Variants in NRXN1 observed in about 807,000 individuals in gnomAD.
NRXN1 encodes the protein neurexin-1.
NRXN1 carries 39 observed loss-of-function variants against 150.9 expected under a neutral mutation model. That is an observed-to-expected ratio of 0.26 (90% CI 0.20 to 0.34). The LOEUF (loss-of-function observed/expected upper bound fraction) is 0.34, where lower values mean the gene tolerates loss of function less well. NRXN1 is among the 10% of genes least tolerant of loss of function. NRXN1 has a pLI of 1.00. For missense variants in NRXN1, 1,815 were observed against 1,949.9 expected (o/e 0.93, Z 1.30); for synonymous variants, 924 against 757.0 (o/e 1.22, Z -3.62).
At chr2:50,939,085 C>T (rs1688985992) in intron 2 of NRXN1, among the ~76,000 whole-genome samples, 1 of 151,512 alleles carries the variant, frequency 6.6e-6, no homozygotes, top group African/African-American at 2.4e-5. Context: ...GTGGTGGACA[C>T]CTGTAGTCCC....
intron 17 of NRXN1, among the ~76,000 whole-genome samples, chr2:50,382,493 G>C (rs1178632924): frequency 6.6e-6 from 1 of 152,068 alleles, no homozygotes; most frequent in Non-Finnish European, 1.5e-5. Flanking sequence ...AAAAATACTG[G>C]TTTCTTCAAA....
intron 5 of NRXN1, among the ~76,000 whole-genome samples, chr2:50,906,075 G>C (rs1683627991): frequency 6.6e-6 from 1 of 152,076 alleles, no homozygotes. Flanking sequence ...AGATTGATGT[G>C]GCAGTGGTGG....
rs901773362 is a variant in NRXN1, at chr2:50,943,242, A to C, written c.773-17287T>G. 1.4e-3 allele frequency among the ~76,000 whole-genome samples: 220 copies of C among 152,188 alleles called. 2 individuals are homozygous for C. Among genetic ancestry groups the C allele is most frequent in the Non-Finnish European group, 7.5e-4 (51 of 68,032 alleles). On this transcript the variant is annotated intron_variant, in intron 2 of 22. Transcript: ENST00000401669. The stretch of plus-strand genomic sequence containing the variant: ...TTTTCTTTATAAATTACCAAGTCTC[A>C]AGCAGCTCCTTACAGCAGTGTAAAA...
chr2:49,946,869 T>C (rs777968788), intron 21 of NRXN1, among the ~76,000 whole-genome samples: 2 of 152,094 alleles, frequency 1.3e-5, no homozygotes, highest in Admixed American at 1.3e-4. Flanking sequence ...AACAGATATA[T>C]AGACCAATGG....
intron 2 of NRXN1, among the ~76,000 whole-genome samples, chr2:51,000,673 G>C (rs1048406925): frequency 1.3e-5 from 2 of 151,940 alleles, no homozygotes; most frequent in African/African-American, 4.8e-5. Flanking sequence ...AAATAACAGA[G>C]ACAGATGTTT....
chr2:50,023,251 A>G (rs1024862498), intron 21 of NRXN1: 2 of 152,200 alleles, frequency 1.3e-5, no homozygotes, highest in African/African-American at 4.8e-5. Context: ...GCTCTTTCCT[A>G]AATGAAATTT....
intron 5 of NRXN1, among the ~76,000 whole-genome samples, chr2:50,723,978 TTC>T (rs1697002377): frequency 6.6e-6 from 1 of 152,234 alleles, no homozygotes; most frequent in Admixed American, 6.5e-5. Flanking sequence ...GCTTCATTTT[TTC>T]TGTTTTCTCT....
intron 12 of NRXN1, 61 bp from the exon 13 acceptor site, chr2:50,506,678 A>G (rs2092240571): frequency 6.4e-7 from 1 of 1,573,514 alleles, no homozygotes; most frequent in Non-Finnish European, 8.7e-7. Context: ...AATGAACCTC[A>G]CAGAGAGTGA....
chr2:50,631,110 G>A (rs772058816), intron 5 of NRXN1: 1 of 450,624 alleles, frequency 2.2e-6, no homozygotes, highest in South Asian at 1.8e-5. Flanking sequence ...TACTTTCAAG[G>A]GAGAGTAGTT....
intron 17 of NRXN1, among the ~76,000 whole-genome samples, chr2:50,407,908 C>T (rs2082869336): frequency 6.6e-6 from 1 of 152,154 alleles, no homozygotes; most frequent in Non-Finnish European, 1.5e-5. Flanking sequence ...AGCCTTTATT[C>T]TCTGTACATG....
Position 50,163,164 on chromosome 2 carries a change from G to GTATATATATATATATATA in NRXN1, c.3547-71688_3547-71671dup, listed in dbSNP as rs59163565. Among the ~76,000 whole-genome samples the GTATATATATATATATATA allele has an allele frequency of 7.3e-3, 1,027 of 141,592 alleles. 7 individuals carry two copies. The highest frequency in any genetic ancestry group is 0.024 in the Middle Eastern group (6 of 246). 92.9% of individuals were successfully genotyped at this position (141,592 alleles called of 152,430 possible). ...AGTTATAGATCTATCAATCCAAAAT[G>GTATATATATATATATATA]TATATATATATATATATATATAAAA... On this transcript the variant is annotated intron_variant, in intron 18 of 22. Transcript: ENST00000401669.
intron 17 of NRXN1, among the ~76,000 whole-genome samples, chr2:50,446,210 G>A (rs1446439797): frequency 1.3e-5 from 2 of 152,070 alleles, no homozygotes; most frequent in South Asian, 4.1e-4. Flanking sequence ...AACTAGTTGA[G>A]GTGGATGGTG....
chr2:50,923,139 G>A lies in NRXN1; in HGVS notation c.791-452C>T, dbSNP rs908729627. Among the ~76,000 whole-genome samples, 3 of 151,816 alleles carry A rather than the reference G, an allele frequency of 2.0e-5. No individual in the cohort carries two copies. In the South Asian group the frequency reaches 6.2e-4, roughly 32 times the overall value. ...GATCTTTTTCCCCTCATCAAAAAAT[G>A]AGCATTTTATAATTAAATGAAGAAA... On this transcript the variant is annotated intron_variant, in intron 3 of 22. Transcript: ENST00000401669.
chr2:50,344,208 C>T (rs1217834349), intron 17 of NRXN1, among the ~76,000 whole-genome samples: 1 of 152,182 alleles, frequency 6.6e-6, no homozygotes, highest in Non-Finnish European at 1.5e-5. Flanking sequence ...ACTCACACCT[C>T]ACCCCATTTC....
rs530213808 is a variant in NRXN1, at chr2:50,821,754, G to T, written c.832+100115C>A. On this transcript the variant is annotated intron_variant, in intron 5 of 22. Transcript: ENST00000401669. Reference sequence around the variant, plus strand: ...TTGCACACGTGAAAAAAGAATTTAAGAAGGCTGGAGTAAAATAAGCAAATT... The same window carrying T: ...TTGCACACGTGAAAAAAGAATTTAATAAGGCTGGAGTAAAATAAGCAAATT... Among the ~76,000 whole-genome samples, 112 of 152,182 alleles carry T rather than the reference G, an allele frequency of 7.4e-4. 1 individual carries two copies. The Middle Eastern group carries it at 0.027, about 37-fold the overall frequency.
chr2:50,114,103 T>C (rs1160078184), intron 18 of NRXN1, among the ~76,000 whole-genome samples: 1 of 152,030 alleles, frequency 6.6e-6, no homozygotes, highest in African/African-American at 2.4e-5. Context: ...GCAAAAGATA[T>C]ATCTGATAAA....
At chr2:50,668,008 A>G (rs1206179941) in intron 5 of NRXN1, among the ~76,000 whole-genome samples, 1 of 152,038 alleles carries the variant, frequency 6.6e-6, no homozygotes, top group African/African-American at 2.4e-5. Flanking sequence ...CTCATCAATG[A>G]TGGTTTCTCT....
intron 22 of NRXN1, among the ~76,000 whole-genome samples, chr2:49,941,890 T>C (rs1393720581): frequency 6.6e-6 from 1 of 151,972 alleles, no homozygotes; most frequent in Non-Finnish European, 1.5e-5. Context: ...ACCAGGAAGG[T>C]TGGGCATGTG....
At chr2:49,925,939 C>T (rs572907427) in intron 22 of NRXN1, among the ~76,000 whole-genome samples, 2 of 152,226 alleles carry the variant, frequency 1.3e-5, no homozygotes, top group African/African-American at 4.8e-5. Flanking sequence ...AGATTAACTC[C>T]GACGTGTAGG....
Sources: allele counts gnomAD v4.1 joint callset (sites outside exome capture counted in the v4.1 genomes callset), GRCh38; gene constraint gnomAD v4.1.1; transcripts MANE v1.5; gene names NCBI Gene and HGNC (gene_info 2026-07-23, HGNC 2026-07-21).